ACOT9: variants seen among roughly 807,000 people sequenced by gnomAD.
The protein encoded by ACOT9 is acyl-coenzyme A thioesterase 9, mitochondrial.
In ACOT9, 34 loss-of-function variants were observed where a neutral mutation model predicts 39.7. The ratio of observed to expected loss-of-function variants is 0.86; its 90% CI spans 0.65 to 1.14. The LOEUF (loss-of-function observed/expected upper bound fraction) is 1.14. ACOT9 is among the 50% of genes most tolerant of loss of function. The pLI is 0.00. For missense variants in ACOT9, 313 were observed against 344.1 expected (o/e 0.91, Z 0.71); for synonymous variants, 110 against 120.5 (o/e 0.91, Z 0.57).
In ACOT9 at chrX:23,705,918, A is replaced by G. The variant is rs1037032603; in HGVS notation, c.843-60T>C. 10 of 984,863 alleles carry G rather than the reference A, an allele frequency of 1.0e-5. No individual in the cohort carries two copies. The African/African-American group carries it at 1.9e-4, about 19-fold the overall frequency. The allele number at this position is 984,863 out of a possible 1,213,427, so 81.2% of individuals were successfully genotyped here. ...GCCATGGTTCTCTTGTTGAAAAGTA[A>G]AAACATTTGCAAGTCACTCCCAATA... On this transcript the variant is annotated intron_variant, in intron 11 of 15. Transcript: ENST00000379303.
intron 6 of ACOT9, among the ~76,000 whole-genome samples, chrX:23,723,599 C>CA (rs34401071): frequency 0.092 from 4,956 of 54,085 alleles, 284 homozygotes; most frequent in East Asian, 0.3. Flanking sequence ...AAGACTGTCT[C>CA]AAAAAAAAAA....
chrX:23,725,204 C>T (rs905371378), intron 6 of ACOT9, among the ~76,000 whole-genome samples: 17 of 110,577 alleles, frequency 1.5e-4, no homozygotes, highest in Non-Finnish European at 2.8e-4. Flanking sequence ...GGCGCGGTGG[C>T]TCACACCTGT....
chrX:23,727,864 T>C (rs1929590174), intron 6 of ACOT9, among the ~76,000 whole-genome samples: 1 of 107,547 alleles, frequency 9.3e-6, no homozygotes, highest in Non-Finnish European at 1.9e-5. Context: ...CCAGATGTGA[T>C]GGCGGGTGCC....
chrX:23,731,280 AGCCTG>A lies in ACOT9; in HGVS notation c.192-299_192-295del, dbSNP rs1375784493. Among the ~76,000 whole-genome samples, 8 of 111,688 alleles carry A rather than the reference AGCCTG, an allele frequency of 7.2e-5. No homozygotes were observed. In the East Asian group the frequency reaches 2.2e-3, roughly 31 times the overall value. ...CACACGAGGTCAGGGGTTCAAGACCAGCCTGGCCAACATGGCAAAACTCCGTCTCT... is the reference window on the plus strand; with the variant it reads ...CACACGAGGTCAGGGGTTCAAGACCAGCCAACATGGCAAAACTCCGTCTCT... On this transcript the variant is annotated intron_variant, in intron 4 of 15. Transcript: ENST00000379303.
At chrX:23,729,794 G>A (rs1285506348) in intron 6 of ACOT9, among the ~76,000 whole-genome samples, 2 of 110,432 alleles carry the variant, frequency 1.8e-5, no homozygotes, top group East Asian at 5.7e-4. Flanking sequence ...ACCACGCCTG[G>A]CTAATTTTTT....
intron 13 of ACOT9, 23 bp downstream of exon 13, chrX:23,705,486 A>C (rs755433806): frequency 1.0e-5 from 12 of 1,168,446 alleles, no homozygotes; most frequent in Non-Finnish European, 1.4e-5. Context: ...TCAGAAGTTA[A>C]GGCTGCCTTA....
intron 15 of ACOT9, among the ~76,000 whole-genome samples, 184 bp from the exon 16 acceptor site, chrX:23,704,166 G>GTTTT (rs1162671112): frequency 5.6e-4 from 37 of 66,300 alleles, no homozygotes; most frequent in African/African-American, 1.4e-3. Context: ...GGCTGGATCA[G>GTTTT]TTTTTTTTTT....
At chrX:23,725,647 T>C (rs371694931) in intron 6 of ACOT9, among the ~76,000 whole-genome samples, 2 of 105,848 alleles carry the variant, frequency 1.9e-5, no homozygotes, top group African/African-American at 6.9e-5. Context: ...GCAGACCTTG[T>C]CTCTACTAAA....
intron 1 of ACOT9, among the ~76,000 whole-genome samples, chrX:23,742,683 C>G (rs372993088): frequency 1.8e-5 from 2 of 111,598 alleles, no homozygotes; most frequent in East Asian, 5.6e-4. Context: ...TTACAACAAA[C>G]TTAAGTAAGA....
chrX:23,733,671 C>G (rs189213140), intron 3 of ACOT9, among the ~76,000 whole-genome samples: 1 of 111,734 alleles, frequency 8.9e-6, no homozygotes, highest in South Asian at 3.7e-4. Context: ...CTCCACCTCC[C>G]GGGTTCAGGC....
chrX:23,734,230 G>C, intron 3 of ACOT9, 111 bp downstream of exon 3: 1 of 624,309 alleles, frequency 1.6e-6, no homozygotes, highest in South Asian at 3.2e-5. Context: ...ATCAAGCTAA[G>C]GCAAAGAATG....
At chrX:23,728,571 C>T (rs960607263) in intron 6 of ACOT9, among the ~76,000 whole-genome samples, 2 of 111,505 alleles carry the variant, frequency 1.8e-5, no homozygotes, top group Non-Finnish European at 3.8e-5. Flanking sequence ...GCTATCAGTG[C>T]GATCCCATGG....
chrX:23,741,147 T>C (rs1185229074), intron 1 of ACOT9, among the ~76,000 whole-genome samples: 3 of 109,469 alleles, frequency 2.7e-5, no homozygotes, highest in African/African-American at 1.0e-4. Flanking sequence ...AGATGATTAT[T>C]ACAAAAAGAC....
At position 23,730,993 on chromosome X, in the gene ACOT9, A is replaced by G. The variant is rs776979003; in HGVS notation, c.192-7T>C. ...CATTGCCTTCACATGGTCTCTGAGA[A>G]GAAAGGATGCAGGATTCATAAAACA... On this transcript the variant is annotated splice_polypyrimidine_tract_variant and splice_region_variant and intron_variant, in intron 4 of 15. Coordinates refer to ENST00000379303, the MANE Select transcript of ACOT9 (RefSeq NM_001037171.2). The G allele has an allele frequency of 8.3e-7, 1 of 1,204,459 alleles. No homozygotes were observed. Among genetic ancestry groups the G allele is most frequent in the East Asian group, 3.0e-5 (1 of 33,806 alleles).
At chrX:23,739,399 A>G (rs1229908547) in intron 1 of ACOT9, among the ~76,000 whole-genome samples, 4 of 111,634 alleles carry the variant, frequency 3.6e-5, no homozygotes, top group African/African-American at 1.3e-4. Flanking sequence ...ACACATATTA[A>G]ACCCTGAAGG....
intron 1 of ACOT9, 104 bp downstream of exon 1, chrX:23,743,021 T>C: frequency 4.0e-6 from 4 of 988,453 alleles, no homozygotes; most frequent in Non-Finnish European, 5.3e-6. Flanking sequence ...CAAATGCCCA[T>C]GCGTGGCCCA....
At position 23,730,574 on chromosome X, in the gene ACOT9, A is replaced by G. The variant is rs895943276; in HGVS notation, c.363-10T>C. ...AAGAATCCTGCCAAATCTGTGAAAT[A>G]AAGCAAACAGTGAATTAAATGCAAA... On this transcript the variant is annotated splice_polypyrimidine_tract_variant and intron_variant, in intron 5 of 15. Coordinates refer to ENST00000379303, the MANE Select transcript of ACOT9 (RefSeq NM_001037171.2). 5.8e-6 allele frequency: 7 copies of G among 1,199,435 alleles called. No individual in the cohort carries two copies. Among genetic ancestry groups the G allele is most frequent in the Admixed American group, 4.4e-5 (2 of 45,584 alleles).
intron 1 of ACOT9, among the ~76,000 whole-genome samples, chrX:23,740,085 TAGCATTCAAG>T (rs1247440394): frequency 9.4e-6 from 1 of 106,778 alleles, no homozygotes; most frequent in Admixed American, 1.1e-4. Context: ...ACTGTCAACA[TAGCATTCAAG>T]AGTATTCGGG....
chrX:23,719,581 GTTTT>G (rs1293601420), intron 8 of ACOT9, among the ~76,000 whole-genome samples: 4 of 110,748 alleles, frequency 3.6e-5, no homozygotes, highest in Non-Finnish European at 7.6e-5. Flanking sequence ...GGGGGGGATG[GTTTT>G]GGGATGAAAC....
Sources: gnomAD v4.1 joint callset for allele counts (sites outside exome capture counted in the v4.1 genomes callset) on GRCh38, gnomAD v4.1.1 for gene constraint, MANE v1.5 for transcripts, NCBI Gene and HGNC (gene_info 2026-07-23, HGNC 2026-07-21) for gene names.